Variants in ARHGEF33 observed in about 807,000 individuals in gnomAD.
The protein encoded by ARHGEF33 is DH and coiled-coil domain-containing protein ENSP00000381780.
In ARHGEF33, 72 loss-of-function variants were observed where a neutral mutation model predicts 101.9. The ratio of observed to expected loss-of-function variants is 0.71; its 90% CI spans 0.58 to 0.86. The LOEUF (loss-of-function observed/expected upper bound fraction) is 0.86. Among genes scored for constraint, ARHGEF33 ranks in the 40% least tolerant of loss-of-function variants. ARHGEF33 has a pLI of 0.00. For missense variants in ARHGEF33, 1,169 were observed against 1,111.3 expected (o/e 1.05, Z -0.74); for synonymous variants, 499 against 442.5 (o/e 1.13, Z -1.60).
chr2:38,895,432 C>T (rs1028799695), intron 1 of ARHGEF33, among the ~76,000 whole-genome samples: 9 of 152,196 alleles, frequency 5.9e-5, no homozygotes, highest in Non-Finnish European at 8.8e-5. Context: ...GTCATATCAA[C>T]TGCTTTGAAC....
chr2:38,916,889 C>T (rs1441047851), intron 2 of ARHGEF33, among the ~76,000 whole-genome samples: 1 of 151,726 alleles, frequency 6.6e-6, no homozygotes, highest in Admixed American at 6.6e-5. Flanking sequence ...CAACCTCTGC[C>T]TCCCAGGTTC....
chr2:38,919,320 A>G lies in ARHGEF33; in HGVS notation c.-85-43A>G, dbSNP rs532815086. ...GTAAGAAGTAAATACAGTTTCTTTGACAGTTTTACTTGTTATCCCTTACTC... is the reference window on the plus strand; with the variant it reads ...GTAAGAAGTAAATACAGTTTCTTTGGCAGTTTTACTTGTTATCCCTTACTC... On this transcript the variant is annotated intron_variant, in intron 2 of 17. Coordinates refer to ENST00000409978, the MANE Select transcript of ARHGEF33 (RefSeq NM_001145451.5). 1.1e-5 allele frequency: 10 copies of G among 910,006 alleles called. No homozygotes were observed. The African/African-American group carries it at 1.7e-4, about 15-fold the overall frequency. The allele number at this position is 910,006 out of a possible 1,614,324, so 56.4% of individuals were successfully genotyped here.
intron 4 of ARHGEF33, among the ~76,000 whole-genome samples, chr2:38,923,369 G>A (rs1316788553): frequency 6.6e-6 from 1 of 152,146 alleles, no homozygotes; most frequent in Non-Finnish European, 1.5e-5. Flanking sequence ...GGAAGCTGGG[G>A]AGGAGTTAAC....
chr2:38,950,781 A>C (rs988301764), intron 10 of ARHGEF33, among the ~76,000 whole-genome samples: 2 of 152,132 alleles, frequency 1.3e-5, no homozygotes, highest in African/African-American at 4.8e-5. Flanking sequence ...GCCATTAGTA[A>C]AGGTTTTTTT....
chr2:38,891,118 G>C (rs1346688474), intron 1 of ARHGEF33, among the ~76,000 whole-genome samples: 3 of 151,944 alleles, frequency 2.0e-5, no homozygotes, highest in Non-Finnish European at 4.4e-5. Flanking sequence ...ATTTTTTGTA[G>C]AGATGGGGTT....
chr2:38,937,996 C>T (rs955057845), intron 9 of ARHGEF33, among the ~76,000 whole-genome samples: 1 of 152,116 alleles, frequency 6.6e-6, no homozygotes, highest in African/African-American at 2.4e-5. Flanking sequence ...ATTACTGTGT[C>T]AGACAATGGC....
chr2:38,950,880 TCA>T, intron 10 of ARHGEF33, 107 bp from the exon 11 acceptor site: 1 of 1,033,062 alleles, frequency 9.7e-7, no homozygotes, highest in Middle Eastern at 2.4e-4. Flanking sequence ...GGCCTGTGAC[TCA>T]CAGTATGTTG....
At chr2:38,935,596 T>C (rs1354872211) in intron 7 of ARHGEF33, among the ~76,000 whole-genome samples, 179 bp from the exon 8 acceptor site, 1 of 152,208 alleles carries the variant, frequency 6.6e-6, no homozygotes, top group Non-Finnish European at 1.5e-5. Context: ...CACTATTATA[T>C]CTTTTTACAG....
At chr2:38,898,912 G>A (rs1385702399) in intron 2 of ARHGEF33, among the ~76,000 whole-genome samples, 1 of 152,106 alleles carries the variant, frequency 6.6e-6, no homozygotes, top group African/African-American at 2.4e-5. Context: ...TTTGCCAAAG[G>A]GTAGTGCTCT....
intron 17 of ARHGEF33, chr2:38,971,777 A>G (rs1668171460): frequency 1.4e-6 from 1 of 716,272 alleles, no homozygotes; most frequent in Non-Finnish European, 2.6e-6. Context: ...AGACATAGGG[A>G]AGGTACAATT....
intron 10 of ARHGEF33, among the ~76,000 whole-genome samples, chr2:38,949,180 A>G (rs540998174): frequency 6.6e-6 from 1 of 152,228 alleles, no homozygotes; most frequent in African/African-American, 2.4e-5. Context: ...CATCCTTCCT[A>G]TTGTTCCAAC....
intron 9 of ARHGEF33, among the ~76,000 whole-genome samples, chr2:38,943,307 A>G (rs867502293): frequency 6.6e-6 from 1 of 152,146 alleles, no homozygotes; most frequent in East Asian, 1.9e-4. Context: ...AGACCCTCCA[A>G]TCTCCTGCCT....
chr2:38,942,168 T>TC (rs1356164765), intron 9 of ARHGEF33, among the ~76,000 whole-genome samples: 2 of 144,444 alleles, frequency 1.4e-5, no homozygotes, highest in Non-Finnish European at 3.0e-5. Context: ...TCCTTTCTTT[T>TC]TTTTTTTTTT....
intron 3 of ARHGEF33, among the ~76,000 whole-genome samples, chr2:38,920,856 A>G (rs1351220763): frequency 6.6e-6 from 1 of 152,134 alleles, no homozygotes; most frequent in Non-Finnish European, 1.5e-5. Flanking sequence ...GTTGCCCAGG[A>G]GGACAGCAAG....
At chr2:38,973,606 C>A in intron 17 of ARHGEF33, 108 bp from the exon 18 acceptor site, 1 of 1,256,006 alleles carries the variant, frequency 8.0e-7, no homozygotes, top group Non-Finnish European at 1.1e-6. Context: ...TATTCCAGTT[C>A]TAGGAAGCAA....
chr2:38,933,537 C>G (rs1306203105), intron 7 of ARHGEF33, among the ~76,000 whole-genome samples: 3 of 152,150 alleles, frequency 2.0e-5, no homozygotes, highest in Non-Finnish European at 4.4e-5. Flanking sequence ...GCACCCGCCA[C>G]CATGCCTTGC....
chr2:38,943,999 T>G lies in ARHGEF33; in HGVS notation c.889T>G (p.Ser297Ala). 1 of 1,550,776 alleles carries G rather than the reference T, an allele frequency of 6.4e-7. No individual in the cohort carries two copies. The highest frequency in any genetic ancestry group is 8.7e-7 in the Non-Finnish European group (1 of 1,146,692). ...ILKIKATFQG[S>A]DGKRNSKERS... ...GAAGATAAAAGCCACATTCCAGGGG[T>G]CAGATGGAAAGAGGAATTCCAAAGA... Residue 297 changes from serine to alanine, a missense_variant, in exon 10 of 18, where the codon TCA becomes GCA. By Grantham distance (99) the Ser-to-Ala change is moderately conservative. Coordinates refer to ENST00000409978, the MANE Select transcript of ARHGEF33 (RefSeq NM_001145451.5).
At chr2:38,933,993 C>T in intron 7 of ARHGEF33, among the ~76,000 whole-genome samples, 1 of 152,198 alleles carries the variant, frequency 6.6e-6, no homozygotes, top group Non-Finnish European at 1.5e-5. Context: ...TTCCTTTCCC[C>T]ACTCAAGAAA....
intron 13 of ARHGEF33, among the ~76,000 whole-genome samples, chr2:38,955,497 T>TTTC (rs1332859815): frequency 7.7e-6 from 1 of 129,386 alleles, no homozygotes; most frequent in African/African-American, 2.9e-5. Flanking sequence ...TTTTTTTTTT[T>TTTC]TTTTTTTTTG....
Sources: allele counts gnomAD v4.1 joint callset (sites outside exome capture counted in the v4.1 genomes callset), GRCh38; gene constraint gnomAD v4.1.1; transcripts MANE v1.5; gene names NCBI Gene and HGNC (gene_info 2026-07-23, HGNC 2026-07-21).